Variants in BEND4 observed in about 807,000 individuals in gnomAD.
BEND4 encodes the protein BEN domain-containing protein 4.
A neutral mutation model predicts 54.7 loss-of-function variants in BEND4; 27 were observed. That is an observed-to-expected ratio of 0.49 (90% CI 0.36 to 0.68). The LOEUF (loss-of-function observed/expected upper bound fraction) is 0.68, where lower values mean the gene tolerates loss of function less well. BEND4 is among the 30% of genes least tolerant of loss of function. The pLI, the probability that BEND4 is intolerant of heterozygous loss-of-function variation, is 0.00. For synonymous variants in BEND4, 327 were observed against 299.5 expected, an observed-to-expected ratio of 1.09 and a Z score of -0.95; for missense variants, 702 against 697.2, an observed-to-expected ratio of 1.01 and a Z score of -0.08.
At chr4:42,148,663 G>A (rs1721156979) in intron 2 of BEND4, among the ~76,000 whole-genome samples, 1 of 152,186 alleles carries the variant, frequency 6.6e-6, no homozygotes. Flanking sequence ...ATCAGTTGAA[G>A]AAGATAAAAT....
rs1198718998 is a variant in BEND4, at chr4:42,116,167, C to T, written c.*1351G>A. On this transcript the variant is annotated 3_prime_UTR_variant, in exon 6 of 6. Transcript: ENST00000502486. ...TGAATCTCCAACCAATTTTCAAAAA[C>T]CCTTGGTCATGTCTGTAGATGACAT... 6.6e-6 allele frequency: 1 copy of T among 152,154 alleles called. No homozygotes were observed. The highest frequency in any genetic ancestry group is 1.5e-5 in the Non-Finnish European group (1 of 68,034). The allele number at this position is 152,154 out of a possible 1,614,324, so 9.4% of individuals were successfully genotyped here.
intron 3 of BEND4, among the ~76,000 whole-genome samples, chr4:42,128,220 A>G (rs1720359124): frequency 6.6e-6 from 1 of 152,250 alleles, no homozygotes; most frequent in African/African-American, 2.4e-5. Context: ...GTCATTCACG[A>G]CAAATCCACA....
At chr4:42,121,736 G>C (rs1468057407) in intron 4 of BEND4, among the ~76,000 whole-genome samples, 1 of 152,170 alleles carries the variant, frequency 6.6e-6, no homozygotes, top group Non-Finnish European at 1.5e-5. Context: ...GATGAGAGAC[G>C]GAGGTCTGAA....
chr4:42,148,896 T>C (rs188184181), intron 2 of BEND4, among the ~76,000 whole-genome samples: 29 of 152,370 alleles, frequency 1.9e-4, no homozygotes, highest in Non-Finnish European at 2.5e-4. Flanking sequence ...AAAACCATGG[T>C]GTATTACCCC....
intron 3 of BEND4, among the ~76,000 whole-genome samples, chr4:42,138,579 C>T (rs1720776279): frequency 6.6e-6 from 1 of 152,142 alleles, no homozygotes; most frequent in Admixed American, 6.5e-5. Flanking sequence ...TGTAGCAGCT[C>T]TTGCTACAAG....
At chr4:42,123,403 G>GA (rs199920302) in intron 4 of BEND4, among the ~76,000 whole-genome samples, 72 of 147,728 alleles carry the variant, frequency 4.9e-4, no homozygotes, top group East Asian at 1.6e-3. Flanking sequence ...TTGAGTCACT[G>GA]AAAAAAAAAC....
intron 3 of BEND4, among the ~76,000 whole-genome samples, chr4:42,136,657 T>C (rs1720708587): frequency 6.6e-6 from 1 of 152,198 alleles, no homozygotes; most frequent in Non-Finnish European, 1.5e-5. Flanking sequence ...TGGTCTATTA[T>C]TTAGTGCTAC....
chr4:42,115,016 C>T lies in BEND4; in HGVS notation c.*2502G>A, dbSNP rs759777835. 5 of 152,268 alleles carry T rather than the reference C, an allele frequency of 3.3e-5. No homozygotes were observed. The highest frequency in any genetic ancestry group is 4.8e-5 in the African/African-American group (2 of 41,450). The allele number at this position is 152,268 out of a possible 1,614,324, so 9.4% of individuals were successfully genotyped here. On this transcript the variant is annotated 3_prime_UTR_variant, in exon 6 of 6. Coordinates refer to ENST00000502486, the MANE Select transcript of BEND4 (RefSeq NM_207406.4). ...GAATATCTCACTCAGGAGCAAAAGT[C>T]GTAGGAACATTTCACTCAGGCAAAA...
chr4:42,122,277 C>T (rs969163008), intron 4 of BEND4, among the ~76,000 whole-genome samples: 1 of 152,132 alleles, frequency 6.6e-6, no homozygotes, highest in East Asian at 1.9e-4. Context: ...AAACTTTGCT[C>T]CTTTGTGTTA....
At position 42,115,122 on chromosome 4, in the gene BEND4, G is replaced by C. The variant is rs966258137; in HGVS notation, c.*2396C>G. ...TGGAGTCTGTCAGCCTTGTGCAAAAGAGATGCCCAACAATTAGTCTCAACA... is the reference window on the plus strand; with the variant it reads ...TGGAGTCTGTCAGCCTTGTGCAAAACAGATGCCCAACAATTAGTCTCAACA... On this transcript the variant is annotated 3_prime_UTR_variant, in exon 6 of 6. Coordinates refer to ENST00000502486, the MANE Select transcript of BEND4 (RefSeq NM_207406.4). 5.9e-5 allele frequency: 9 copies of C among 152,292 alleles called. No individual in the cohort carries two copies. The highest frequency in any genetic ancestry group is 2.0e-4 in the Admixed American group (3 of 15,290). The allele number at this position is 152,292 out of a possible 1,614,324, so 9.4% of individuals were successfully genotyped here. A position where few individuals can be genotyped will look rare whatever the true frequency, so the allele number is the denominator to read the frequency against.
At chr4:42,150,392 G>A (rs1721224108) in intron 2 of BEND4, among the ~76,000 whole-genome samples, 1 of 152,194 alleles carries the variant, frequency 6.6e-6, no homozygotes, top group Non-Finnish European at 1.5e-5. Context: ...AGATGCAACA[G>A]ATCAAGTCTT....
rs760690712 is a variant in BEND4, at chr4:42,151,738, C to T, written c.406G>A (p.Val136Ile). 3.3e-6 allele frequency: 5 copies of T among 1,501,562 alleles called. No homozygotes were observed. The African/African-American group carries it at 4.4e-5, about 13-fold the overall frequency. The allele number at this position is 1,501,562 out of a possible 1,614,324, so 93.0% of individuals were successfully genotyped here. A position where few individuals can be genotyped will look rare whatever the true frequency, so the allele number is the denominator to read the frequency against. The change falls in exon 2 of 6, where the codon GTC becomes ATC. Residue 136 changes from valine (V) to isoleucine (I), a missense_variant. Coordinates refer to ENST00000502486, the MANE Select transcript of BEND4 (RefSeq NM_207406.4). ...ASSSSSFAAV[V>I]RYGPGAAAAA... ...GCCGCCGCGCCTGGGCCATACCTGA[C>T]GACAGCGGCGAACGAAGACGACGAG...
intron 3 of BEND4, among the ~76,000 whole-genome samples, chr4:42,141,696 G>T (rs534440636): frequency 1.5e-4 from 23 of 152,194 alleles, no homozygotes; most frequent in African/African-American, 4.8e-4. Flanking sequence ...AGCCAAGACG[G>T]CACCACTGCA....
chr4:42,117,310 TTATAA>T lies in BEND4; in HGVS notation c.*203_*207del. On this transcript the variant is annotated 3_prime_UTR_variant, in exon 6 of 6. Transcript: ENST00000502486. ...AAAAATCAGATGTAGTTTTTTCTTT[TTATAA>T]TATAATATTCCAAAAGTCTGTTGTA... 2 of 479,820 alleles carry T rather than the reference TTATAA, an allele frequency of 4.2e-6. No individual in the cohort carries two copies. Among genetic ancestry groups the T allele is most frequent in the Non-Finnish European group, 7.3e-6 (2 of 274,790 alleles). 29.7% of individuals were successfully genotyped at this position (479,820 alleles called of 1,614,324 possible).
chr4:42,124,343 A>G (rs1720187929), intron 4 of BEND4, among the ~76,000 whole-genome samples: 2 of 152,194 alleles, frequency 1.3e-5, no homozygotes, highest in Admixed American at 6.5e-5. Flanking sequence ...AGAAAGCGAG[A>G]CCCTGTCTCA....
intron 4 of BEND4, among the ~76,000 whole-genome samples, chr4:42,121,659 A>C (rs960535762): frequency 6.6e-6 from 1 of 152,176 alleles, no homozygotes; most frequent in African/African-American, 2.4e-5. Flanking sequence ...AGAGACAATC[A>C]AAAGATGGGC....
intron 3 of BEND4, among the ~76,000 whole-genome samples, chr4:42,139,931 T>G (rs1720827848): frequency 6.6e-6 from 1 of 152,228 alleles, no homozygotes; most frequent in South Asian, 2.1e-4. Flanking sequence ...AACATTTTTA[T>G]TCTATGCAAA....
chr4:42,130,256 G>A lies in BEND4; in HGVS notation c.1055-4582C>T, dbSNP rs534842249. Among the ~76,000 whole-genome samples the A allele has an allele frequency of 1.4e-4, 22 of 152,126 alleles. 1 individual carries two copies. In the South Asian group the frequency reaches 3.5e-3, roughly 25 times the overall value. On this transcript the variant is annotated intron_variant, in intron 3 of 5. Coordinates refer to ENST00000502486, the MANE Select transcript of BEND4 (RefSeq NM_207406.4). ...AGCACTTTGGGAGGCCGAGGCGGGCGGATCACAAGGTCAGGAGATCGAGAC... is the reference window on the plus strand; with the variant it reads ...AGCACTTTGGGAGGCCGAGGCGGGCAGATCACAAGGTCAGGAGATCGAGAC...
intron 3 of BEND4, among the ~76,000 whole-genome samples, chr4:42,142,201 C>CGGCCT (rs1720913928): frequency 6.6e-6 from 1 of 151,542 alleles, no homozygotes. Flanking sequence ...CCACTGCGCC[C>CGGCCT]GGCCTCAAGC....
Sources: gnomAD v4.1 joint callset for allele counts (sites outside exome capture counted in the v4.1 genomes callset) on GRCh38, gnomAD v4.1.1 for gene constraint, MANE v1.5 for transcripts, NCBI Gene and HGNC (gene_info 2026-07-23, HGNC 2026-07-21) for gene names.